The following PSD3 variants were observed in gnomAD, a reference collection of about 807,000 sequenced individuals.
PSD3 encodes the protein PH and SEC7 domain-containing protein 3.
Under a neutral mutation model 105.5 loss-of-function variants are expected in PSD3, and 49 were observed. That is an observed-to-expected ratio of 0.46 (90% CI 0.37 to 0.59). The LOEUF (loss-of-function observed/expected upper bound fraction) is 0.59, where lower values mean the gene tolerates loss of function less well. Among genes scored for constraint, PSD3 ranks in the 20% least tolerant of loss-of-function variants. The probability of loss-of-function intolerance (pLI) is 0.00; values close to 1 mark genes in which losing one functional copy is unlikely to be tolerated. For synonymous variants in PSD3, 557 were observed against 457.8 expected, an observed-to-expected ratio of 1.22 and a Z score of -2.77; for missense variants, 1,561 against 1,263.8, an observed-to-expected ratio of 1.24 and a Z score of -3.57.
intron 8 of PSD3, among the ~76,000 whole-genome samples, chr8:18,770,233 C>A (rs975401258): frequency 7.2e-5 from 11 of 152,104 alleles, no homozygotes; most frequent in African/African-American, 2.7e-4. Context: ...TGACCCTCAG[C>A]TTTTTTTCAT....
At chr8:18,859,846 C>T (rs1181654907) in intron 4 of PSD3, among the ~76,000 whole-genome samples, 1 of 152,162 alleles carries the variant, frequency 6.6e-6, no homozygotes, top group Non-Finnish European at 1.5e-5. Context: ...CTATCCAGAC[C>T]ATTAAAACTT....
intron 9 of PSD3, among the ~76,000 whole-genome samples, chr8:18,702,218 T>C (rs373286446): frequency 1.6e-4 from 25 of 152,302 alleles, no homozygotes; most frequent in African/African-American, 6.0e-4. Context: ...CATCTTGAAA[T>C]ATATTGGAAA....
chr8:18,733,346 G>C (rs528504316), intron 9 of PSD3: 1 of 152,360 alleles, frequency 6.6e-6, no homozygotes, highest in South Asian at 2.1e-4. Context: ...AACAGCCACA[G>C]GTGAAAAAGG....
chr8:19,030,749 C>G (rs544509056), intron 1 of PSD3, among the ~76,000 whole-genome samples: 1 of 152,062 alleles, frequency 6.6e-6, no homozygotes, highest in South Asian at 2.1e-4. Flanking sequence ...TGTCCATCCC[C>G]GTATCAACTT....
At chr8:18,650,491 G>C (rs189137157) in intron 10 of PSD3, among the ~76,000 whole-genome samples, 1 of 152,304 alleles carries the variant, frequency 6.6e-6, no homozygotes, top group African/African-American at 2.4e-5. Flanking sequence ...AATGGTCATG[G>C]TCCTATATGA....
intron 1 of PSD3, among the ~76,000 whole-genome samples, chr8:19,041,291 G>C (rs1293774710): frequency 6.6e-6 from 1 of 152,200 alleles, no homozygotes; most frequent in East Asian, 1.9e-4. Context: ...TTAACTCAGA[G>C]AAGAACAAAG....
chr8:18,774,214 T>C (rs1807814928), intron 8 of PSD3, among the ~76,000 whole-genome samples: 1 of 152,208 alleles, frequency 6.6e-6, no homozygotes, highest in Non-Finnish European at 1.5e-5. Context: ...AATATTTTAT[T>C]ATGCTACATA....
chr8:18,955,135 C>T (rs1288218905), intron 1 of PSD3, among the ~76,000 whole-genome samples: 1 of 152,174 alleles, frequency 6.6e-6, no homozygotes, highest in Non-Finnish European at 1.5e-5. Context: ...CCAACTGTGG[C>T]TCTGCTCCAG....
chr8:18,607,538 G>A (rs991364388), intron 11 of PSD3, among the ~76,000 whole-genome samples: 24 of 152,010 alleles, frequency 1.6e-4, no homozygotes, highest in African/African-American at 5.8e-4. Flanking sequence ...TTTCCATACA[G>A]AGAAAGGCCA....
intron 9 of PSD3, among the ~76,000 whole-genome samples, chr8:18,741,613 G>A (rs183825672): frequency 6.6e-6 from 1 of 152,152 alleles, no homozygotes; most frequent in East Asian, 1.9e-4. Flanking sequence ...TCTTGTACTG[G>A]CACTAGCTAC....
chr8:18,712,772 T>C (rs1453561312), intron 9 of PSD3, among the ~76,000 whole-genome samples: 6 of 152,160 alleles, frequency 3.9e-5, no homozygotes, highest in Admixed American at 3.9e-4. Flanking sequence ...AACTCCTCCC[T>C]TACTCGCGTT....
rs555442193 is a variant in PSD3 at position 19,025,745 on chromosome 8, T to G, written c.324+58461A>C. On this transcript the variant is annotated intron_variant, in intron 1 of 1. Coordinates refer to the PSD3 transcript ENST00000521475. ...TATGACGCAAATTCCAGGTAGATCATGTCATAATTTCAGGATTCCCAGTTG... is the reference window on the plus strand; with the variant it reads ...TATGACGCAAATTCCAGGTAGATCAGGTCATAATTTCAGGATTCCCAGTTG... Among the ~76,000 whole-genome samples the G allele has an allele frequency of 9.8e-5, 15 of 152,346 alleles. No individual in the cohort carries two copies. The South Asian group carries it at 2.9e-3, about 29-fold the overall frequency.
intron 10 of PSD3, among the ~76,000 whole-genome samples, chr8:18,634,110 GT>G (rs979307760): frequency 2.0e-4 from 30 of 151,988 alleles, no homozygotes; most frequent in Admixed American, 9.9e-4. Flanking sequence ...TTTTAGTAAG[GT>G]TATTTAGTTT....
chr8:18,779,478 T>C (rs1808408909), intron 8 of PSD3, among the ~76,000 whole-genome samples: 1 of 152,136 alleles, frequency 6.6e-6, no homozygotes, highest in South Asian at 2.1e-4. Context: ...TATTTCCTGC[T>C]GTTAATTTTG....
At chr8:18,552,938 C>T (rs970896964) in intron 15 of PSD3, among the ~76,000 whole-genome samples, 1 of 152,054 alleles carries the variant, frequency 6.6e-6, no homozygotes, top group African/African-American at 2.4e-5. Context: ...AGTTTCCTTG[C>T]TCTCTGTAAA....
intron 1 of PSD3, among the ~76,000 whole-genome samples, chr8:19,035,538 A>G (rs1352370513): frequency 1.3e-5 from 2 of 152,000 alleles, no homozygotes; most frequent in African/African-American, 4.8e-5. Flanking sequence ...AAAATTGTCT[A>G]GTCTCCCTTT....
intron 1 of PSD3, among the ~76,000 whole-genome samples, chr8:18,972,446 T>G (rs1381725939): frequency 2.6e-5 from 4 of 152,208 alleles, no homozygotes; most frequent in Non-Finnish European, 5.9e-5. Context: ...ACATAGCTAA[T>G]TCCTGGGAAC....
chr8:18,568,957 T>C (rs541735739), intron 14 of PSD3, among the ~76,000 whole-genome samples: 191 of 148,264 alleles, frequency 1.3e-3, no homozygotes, highest in African/African-American at 4.5e-3. Flanking sequence ...ATATGTGGTG[T>C]TTGGTTTTTT....
chr8:18,576,932 T>C (rs1802496747), intron 12 of PSD3, among the ~76,000 whole-genome samples: 1 of 152,078 alleles, frequency 6.6e-6, no homozygotes, highest in African/African-American at 2.4e-5. Flanking sequence ...TAAGCTTTTA[T>C]CTTAATTCCT....
Sources: allele counts gnomAD v4.1 joint callset (sites outside exome capture counted in the v4.1 genomes callset), GRCh38; gene constraint gnomAD v4.1.1; transcripts MANE v1.5; gene names NCBI Gene and HGNC (gene_info 2026-07-23, HGNC 2026-07-21).